Variants in HEATR4 observed in about 807,000 individuals in gnomAD.
HEATR4 encodes the protein HEAT repeat-containing protein 4.
A neutral mutation model predicts 108.8 loss-of-function variants in HEATR4; 95 were observed. The observed-to-expected ratio is 0.87, with a 90% CI of 0.74 to 1.04. The LOEUF (loss-of-function observed/expected upper bound fraction) is 1.04, where lower values mean the gene tolerates loss of function less well. Among genes scored for constraint, HEATR4 ranks in the 50% least tolerant of loss-of-function variants. HEATR4 has a pLI of 0.00. For missense variants in HEATR4, 1,152 were observed against 1,253.8 expected (o/e 0.92, Z 1.23); for synonymous variants, 443 against 459.4 (o/e 0.96, Z 0.46).
At chr14:73,503,086 TTTC>T (rs1886580385) in intron 10 of HEATR4, 73 bp from the exon 11 acceptor site, 1 of 1,215,590 alleles carries the variant, frequency 8.2e-7, no homozygotes, top group South Asian at 1.2e-5. Flanking sequence ...TGTGCTGTTT[TTTC>T]TTCTTTTTTT....
chr14:73,524,947 CTT>C (rs1888237090), intron 2 of HEATR4, among the ~76,000 whole-genome samples: 1 of 152,156 alleles, frequency 6.6e-6, no homozygotes, highest in Admixed American at 6.6e-5. Flanking sequence ...CATGATTTCT[CTT>C]ACTGTCTTCC....
At chr14:73,559,836 G>C (rs113771685), upstream of HEATR4, among the ~76,000 whole-genome samples, 374 of 152,178 alleles carry the variant, frequency 2.5e-3, 3 homozygotes, top group African/African-American at 8.7e-3. Context: ...GCAAAGCAGG[G>C]AACACATGAC....
the HEATR4 span, among the ~76,000 whole-genome samples, chr14:73,605,215 C>G: frequency 6.6e-6 from 1 of 152,056 alleles, no homozygotes; most frequent in African/African-American, 2.4e-5. Flanking sequence ...GACTTTTAAC[C>G]ATAGTGCTCT....
At chr14:73,590,795 C>G in the HEATR4 span, among the ~76,000 whole-genome samples, 2 of 152,032 alleles carry the variant, frequency 1.3e-5, no homozygotes, top group Admixed American at 6.5e-5. Flanking sequence ...CGGGCAGCCC[C>G]GGTTCCCGCC....
Position 73,510,071 on chromosome 14 carries a change from C to A in HEATR4, c.1559-598G>T, listed in dbSNP as rs565522079. On this transcript the variant is annotated intron_variant, in intron 7 of 17. Transcript: ENST00000553558. ...AGAGATGGGATTTCACCGTGTTAGC[C>A]AGGATGGTCTCGATCTCCTGACCTT... 1.7e-3 allele frequency among the ~76,000 whole-genome samples: 258 copies of A among 150,792 alleles called. 1 individual carries two copies. The highest frequency in any genetic ancestry group is 6.0e-3 in the African/African-American group (247 of 41,058).
the HEATR4 span, chr14:73,591,953 C>T: frequency 7.3e-7 from 1 of 1,367,984 alleles, no homozygotes; most frequent in Non-Finnish European, 9.4e-7. Context: ...CCCGCTCCGG[C>T]TCCAAGATGT....
chr14:73,508,041 G>A (rs1886962306), intron 9 of HEATR4, 93 bp downstream of exon 9: 5 of 1,222,274 alleles, frequency 4.1e-6, no homozygotes, highest in South Asian at 1.3e-5. Context: ...CCACTGCCCC[G>A]GCCCCAGCTG....
In HEATR4 at chr14:73,508,134, T is replaced by C; in HGVS notation, c.1881A>G (p.Thr627=). ...YILLSYLSEK[T]TLIHTMLAVE... ...GTCTGACCCGGTAATGGACACATAC[T>C]GTCTTCTCACTCAGATAGCTCAGGA... Residue 627 remains threonine, a splice_region_variant and synonymous_variant, in exon 9 of 18, where the codon ACA becomes ACG. Transcript: ENST00000553558. The C allele has an allele frequency of 6.2e-7, 1 of 1,613,918 alleles. No individual in the cohort carries two copies. The highest frequency in any genetic ancestry group is 8.5e-7 in the Non-Finnish European group (1 of 1,179,768).
At chr14:73,579,009 C>T in the HEATR4 span, among the ~76,000 whole-genome samples, 8,848 of 149,310 alleles carry the variant, frequency 0.059, 319 homozygotes, top group Middle Eastern at 0.097. Context: ...GGCGTGAACC[C>T]GGGATGTGGA....
At chr14:73,569,203 C>T in the HEATR4 span, 2 of 1,607,226 alleles carry the variant, frequency 1.2e-6, no homozygotes, top group Admixed American at 3.3e-5. Context: ...ACAGCTCTGC[C>T]CTAGTGGGCG....
chr14:73,500,517 C>G, intron 12 of HEATR4, 33 bp downstream of exon 12: 1 of 1,595,540 alleles, frequency 6.3e-7, no homozygotes, highest in South Asian at 1.1e-5. Context: ...TCAGGTCAAT[C>G]AGGTAAGATG....
the HEATR4 span, among the ~76,000 whole-genome samples, chr14:73,597,283 G>C: frequency 6.6e-6 from 1 of 150,708 alleles, no homozygotes; most frequent in Non-Finnish European, 1.5e-5. Context: ...ACAGGGTTTC[G>C]CCATGTTAGC....
Position 73,532,595 on chromosome 14 carries a change from G to A in HEATR4, c.-151-2351C>T, listed in dbSNP as rs1333638628. ...ACCTGAATATGGACTTTAGCACTTG[G>A]GCTCAAGCTGCACTCAGATGGTTGG... On this transcript the variant is annotated intron_variant, in intron 1 of 17. Coordinates refer to ENST00000553558, the MANE Select transcript of HEATR4 (RefSeq NM_001220484.1). Among the ~76,000 whole-genome samples, 10 of 115,174 alleles carry A rather than the reference G, an allele frequency of 8.7e-5. 3 individuals are homozygous for A. Among genetic ancestry groups the A allele is most frequent in the Non-Finnish European group, 1.7e-4 (9 of 52,932 alleles). 75.6% of individuals were successfully genotyped at this position (115,174 alleles called of 152,430 possible). A position where few individuals can be genotyped will look rare whatever the true frequency, so the allele number is the denominator to read the frequency against.
chr14:73,576,899 A>G, the HEATR4 span, among the ~76,000 whole-genome samples: 1 of 149,022 alleles, frequency 6.7e-6, no homozygotes, highest in South Asian at 2.1e-4. Flanking sequence ...TATTTAAAGG[A>G]AAAAAAACCT....
At chr14:73,572,653 T>C in the HEATR4 span, among the ~76,000 whole-genome samples, 2 of 134,576 alleles carry the variant, frequency 1.5e-5, no homozygotes, top group Admixed American at 1.5e-4. Context: ...TTTTTTTTTT[T>C]TTTTTTTTTT....
At chr14:73,502,127 C>A (rs997234080) in intron 11 of HEATR4, among the ~76,000 whole-genome samples, 1 of 150,644 alleles carries the variant, frequency 6.6e-6, no homozygotes, top group Non-Finnish European at 1.5e-5. Context: ...CTCCTGGGCT[C>A]AATTGATCCT....
rs114680242 is a variant in HEATR4 at position 73,509,042 on chromosome 14, T to A, written c.1720+270A>T. Among the ~76,000 whole-genome samples the A allele has an allele frequency of 8.9e-3, 1,359 of 152,182 alleles. 24 individuals carry two copies. Among genetic ancestry groups the A allele is most frequent in the African/African-American group, 0.031 (1,280 of 41,504 alleles). Reference sequence around the variant, plus strand: ...CCACCGCACCTGGCTAATTTTAAAATTTTTTATAGAGATGGGGTCTTGTTA... The same window carrying A: ...CCACCGCACCTGGCTAATTTTAAAAATTTTTATAGAGATGGGGTCTTGTTA... On this transcript the variant is annotated intron_variant, in intron 8 of 17. Transcript: ENST00000553558.
rs1295447491 is a variant in HEATR4 at position 73,492,962 on chromosome 14, A to G, written c.2844+104T>C. 6.2e-7 allele frequency: 1 copy of G among 1,610,946 alleles called. No individual in the cohort carries two copies. Among genetic ancestry groups the G allele is most frequent in the South Asian group, 1.1e-5 (1 of 90,888 alleles). The stretch of plus-strand genomic sequence containing the variant: ...AAATTAGTTTCTTGTTGATTGCTGG[A>G]AACAAGGCAGTAGTGATTCTCCGCT... On this transcript the variant is annotated intron_variant, in intron 17 of 17. Coordinates refer to ENST00000553558, the MANE Select transcript of HEATR4 (RefSeq NM_001220484.1). The surrounding 1 kb of genome is among the most constrained non-coding windows in gnomAD (Gnocchi z 4.9).
At chr14:73,521,090 T>G in intron 3 of HEATR4, 51 bp from the exon 4 acceptor site, 6 of 1,473,698 alleles carry the variant, frequency 4.1e-6, no homozygotes, top group Non-Finnish European at 5.6e-6. Context: ...AGGAGGTGGA[T>G]CCCCCTTTCC....
Sources: allele counts gnomAD v4.1 joint callset (sites outside exome capture counted in the v4.1 genomes callset), GRCh38; gene constraint gnomAD v4.1.1; non-coding constraint Gnocchi (gnomAD v3.1); transcripts MANE v1.5; gene names NCBI Gene and HGNC (gene_info 2026-07-23, HGNC 2026-07-21).